Variants in FAM227B observed in about 807,000 individuals in gnomAD.
The protein encoded by FAM227B is family with sequence similarity 227 member B, also known as protein FAM227B.
FAM227B carries 88 observed loss-of-function variants against 73.8 expected under a neutral mutation model. That is an observed-to-expected ratio of 1.19 (90% CI 1.00 to 1.42). The LOEUF (loss-of-function observed/expected upper bound fraction) is 1.42. FAM227B is among the 40% of genes most tolerant of loss of function. FAM227B has a pLI of 0.00. For missense variants in FAM227B, 632 were observed against 590.9 expected (o/e 1.07, Z -0.72); for synonymous variants, 210 against 190.5 (o/e 1.10, Z -0.84).
intron 11 of FAM227B, among the ~76,000 whole-genome samples, chr15:49,455,078 C>T (rs548509797): frequency 6.6e-6 from 1 of 151,980 alleles, no homozygotes; most frequent in South Asian, 2.1e-4. Flanking sequence ...ACCTACTTTA[C>T]TTGTTTTAAA....
chr15:49,555,707 T>C (rs932401838), intron 9 of FAM227B, among the ~76,000 whole-genome samples: 1 of 152,262 alleles, frequency 6.6e-6, no homozygotes, highest in Non-Finnish European at 1.5e-5. Context: ...TCTCTTTACA[T>C]AATCCCATAT....
At chr15:49,329,419 T>A in intron 15 of FAM227B, 2 of 984,712 alleles carry the variant, frequency 2.0e-6, no homozygotes, top group Non-Finnish European at 1.2e-6. Context: ...TCCAAAAAAA[T>A]ATCAGAATTA....
chr15:49,447,636 G>C (rs1429851419), intron 11 of FAM227B, among the ~76,000 whole-genome samples: 1 of 151,670 alleles, frequency 6.6e-6, no homozygotes, highest in East Asian at 1.9e-4. Context: ...TATGCAAATT[G>C]ATAGATTTCA....
chr15:49,474,470 T>G (rs1426567676), intron 11 of FAM227B, among the ~76,000 whole-genome samples: 1 of 152,062 alleles, frequency 6.6e-6, no homozygotes, highest in African/African-American at 2.4e-5. Flanking sequence ...CTACAATAAA[T>G]TAATGAGATT....
Position 49,508,363 on chromosome 15 carries a change from T to A in FAM227B, c.875-15A>T, listed in dbSNP as rs940861662. On this transcript the variant is annotated splice_polypyrimidine_tract_variant and intron_variant, in intron 10 of 15. Coordinates refer to ENST00000299338, the MANE Select transcript of FAM227B (RefSeq NM_152647.3). ...AGGTTTTAAACCTGTTAATATAAAA[T>A]ACATATTTAGCCAAATAAATTTGGA... The A allele has an allele frequency of 2.6e-6, 4 of 1,554,174 alleles. No individual in the cohort carries two copies. The highest frequency in any genetic ancestry group is 3.5e-6 in the Non-Finnish European group (4 of 1,158,084).
chr15:49,345,957 T>C (rs1162053403), intron 13 of FAM227B, among the ~76,000 whole-genome samples: 1 of 152,132 alleles, frequency 6.6e-6, no homozygotes, highest in African/African-American at 2.4e-5. Flanking sequence ...AATTTCGTAC[T>C]TATCTGCCAA....
chr15:49,617,686 G>C (rs2078376497), intron 1 of FAM227B, among the ~76,000 whole-genome samples: 1 of 152,010 alleles, frequency 6.6e-6, no homozygotes, highest in Admixed American at 6.6e-5. Context: ...AGCTAACAAA[G>C]TGGCTTAAAA....
chr15:49,400,845 T>C (rs1445503274), intron 11 of FAM227B, among the ~76,000 whole-genome samples: 1 of 150,678 alleles, frequency 6.6e-6, no homozygotes, highest in Non-Finnish European at 1.5e-5. Flanking sequence ...TATACAAAAA[T>C]CAATTCAAGA....
At chr15:49,562,547 G>GA (rs894026602) in intron 9 of FAM227B, among the ~76,000 whole-genome samples, 63 of 144,800 alleles carry the variant, frequency 4.4e-4, no homozygotes, top group South Asian at 1.3e-3. Flanking sequence ...AAGACAAAAG[G>GA]AAAAAAAAAA....
At chr15:49,619,861 A>G (rs957308364) in intron 1 of FAM227B, among the ~76,000 whole-genome samples, 4 of 152,332 alleles carry the variant, frequency 2.6e-5, no homozygotes, top group African/African-American at 9.6e-5. Flanking sequence ...TTAAGGTTTG[A>G]AATACAGTAA....
chr15:49,528,475 T>G (rs1457801721), intron 10 of FAM227B, among the ~76,000 whole-genome samples: 1 of 151,422 alleles, frequency 6.6e-6, no homozygotes. Context: ...CAAAGGCAAA[T>G]GTAATGGAAA....
chr15:49,594,422 T>C (rs754342481), intron 3 of FAM227B, among the ~76,000 whole-genome samples: 16 of 152,228 alleles, frequency 1.1e-4, no homozygotes, highest in Non-Finnish European at 1.2e-4. Flanking sequence ...AGAAGACTTT[T>C]AGTTTAATTA....
chr15:49,602,910 A>T lies in FAM227B; in HGVS notation c.105+8305T>A, dbSNP rs190366740. ...CCATTTATTGAAGAAACTGTCCTTT[A>T]TTCAATGTATGTACTTAGCACCTTT... On this transcript the variant is annotated intron_variant, in intron 3 of 15. Coordinates refer to ENST00000299338, the MANE Select transcript of FAM227B (RefSeq NM_152647.3). Among the ~76,000 whole-genome samples the T allele has an allele frequency of 3.3e-3, 495 of 152,242 alleles. 4 individuals are homozygous for T. The highest frequency in any genetic ancestry group is 0.011 in the African/African-American group (475 of 41,562).
At chr15:49,520,256 A>C (rs1165624676) in intron 10 of FAM227B, among the ~76,000 whole-genome samples, 1 of 152,198 alleles carries the variant, frequency 6.6e-6, no homozygotes, top group African/African-American at 2.4e-5. Flanking sequence ...AAGCCATTCA[A>C]CAAATCTCTA....
intron 11 of FAM227B, among the ~76,000 whole-genome samples, chr15:49,436,634 G>T (rs78323502): frequency 0.15 from 22,921 of 151,258 alleles, 2,246 homozygotes; most frequent in Non-Finnish European, 0.21. Flanking sequence ...TTATTAGGTG[G>T]GCAGACTTAT....
intron 5 of FAM227B, among the ~76,000 whole-genome samples, chr15:49,578,211 G>A (rs1271496906): frequency 6.6e-6 from 1 of 152,174 alleles, no homozygotes; most frequent in African/African-American, 2.4e-5. Context: ...TCACTGGATG[G>A]TTCCTGGAAA....
At chr15:49,576,407 C>G (rs1354405384) in intron 7 of FAM227B, 1 of 177,788 alleles carries the variant, frequency 5.6e-6, no homozygotes, top group East Asian at 1.7e-4. Flanking sequence ...AAGAAGGGCA[C>G]TCACAACTTA....
At chr15:49,436,831 A>G (rs140414862) in intron 11 of FAM227B, among the ~76,000 whole-genome samples, 87 of 151,740 alleles carry the variant, frequency 5.7e-4, no homozygotes, top group African/African-American at 1.9e-3. Flanking sequence ...ATTACTTTGT[A>G]TCAAGCAGTG....
chr15:49,354,387 G>A (rs867916673), intron 13 of FAM227B, among the ~76,000 whole-genome samples: 177 of 152,248 alleles, frequency 1.2e-3, no homozygotes, highest in Admixed American at 8.6e-3. Flanking sequence ...CAGTGGGTGC[G>A]CGCACCGTGC....
Sources: gnomAD v4.1 joint callset for allele counts (sites outside exome capture counted in the v4.1 genomes callset) on GRCh38, gnomAD v4.1.1 for gene constraint, MANE v1.5 for transcripts, NCBI Gene and HGNC (gene_info 2026-07-23, HGNC 2026-07-21) for gene names.